Variants in GLIS3 observed in about 807,000 individuals in gnomAD.
GLIS3 encodes the protein GLIS family zinc finger 3, also known as zinc finger protein GLIS3.
Under a neutral mutation model 78.6 loss-of-function variants are expected in GLIS3, and 53 were observed. The ratio of observed to expected loss-of-function variants is 0.67; its 90% CI spans 0.54 to 0.85. The LOEUF (loss-of-function observed/expected upper bound fraction) is 0.85. Ranked by LOEUF, GLIS3 falls within the 40% of genes least tolerant of loss-of-function variation. The pLI is 0.00. For missense variants in GLIS3, 1,703 were observed against 1,231.1 expected, an observed-to-expected ratio of 1.38 and a Z score of -5.74; for synonymous variants, 684 against 509.9, an observed-to-expected ratio of 1.34 and a Z score of -4.60.
At chr9:4,197,672 G>A (rs567018340) in intron 2 of GLIS3, among the ~76,000 whole-genome samples, 1 of 152,178 alleles carries the variant, frequency 6.6e-6, no homozygotes, top group South Asian at 2.1e-4. Context: ...GCTGAGGAGG[G>A]AGCTCAGACC....
chr9:4,031,713 A>G (rs551815416), intron 4 of GLIS3, among the ~76,000 whole-genome samples: 2 of 152,336 alleles, frequency 1.3e-5, no homozygotes, highest in Non-Finnish European at 2.9e-5. Context: ...GACACTGCTC[A>G]TAGGTACCAA....
chr9:4,143,825 T>C (rs1442266708), intron 2 of GLIS3, among the ~76,000 whole-genome samples: 1 of 152,228 alleles, frequency 6.6e-6, no homozygotes, highest in South Asian at 2.1e-4. Flanking sequence ...CAGCCAGTAT[T>C]TGTCTTTCTG....
At chr9:4,180,760 C>T (rs1275106255) in intron 2 of GLIS3, among the ~76,000 whole-genome samples, 1 of 152,136 alleles carries the variant, frequency 6.6e-6, no homozygotes, top group Admixed American at 6.5e-5. Flanking sequence ...CAGTCACAAA[C>T]TAGAGGTAAG....
intron 1 of GLIS3, among the ~76,000 whole-genome samples, chr9:4,292,195 C>T (rs560652007): frequency 6.6e-6 from 1 of 152,100 alleles, no homozygotes; most frequent in African/African-American, 2.4e-5. Flanking sequence ...GATTGCAATT[C>T]ATTGGTGGTC....
At chr9:3,954,009 G>A (rs183431336) in intron 4 of GLIS3, among the ~76,000 whole-genome samples, 17 of 152,122 alleles carry the variant, frequency 1.1e-4, no homozygotes, top group African/African-American at 3.6e-4. Context: ...CTCACTTGGA[G>A]TAAATTAAAT....
At chr9:4,310,725 A>T (rs1327181496) in intron 2 of GLIS3, among the ~76,000 whole-genome samples, 1 of 152,136 alleles carries the variant, frequency 6.6e-6, no homozygotes, top group East Asian at 1.9e-4. Context: ...ATCACCCAGG[A>T]TTACCCGCTC....
upstream of GLIS3, among the ~76,000 whole-genome samples, chr9:4,301,666 C>T (rs563428909): frequency 2.8e-4 from 42 of 152,304 alleles, no homozygotes; most frequent in Non-Finnish European, 4.7e-4. Context: ...TCCAATGTCC[C>T]TCAAATATCA....
the GLIS3 span, among the ~76,000 whole-genome samples, chr9:4,461,045 A>C: frequency 1.3e-5 from 2 of 152,182 alleles, no homozygotes; most frequent in Non-Finnish European, 2.9e-5. Context: ...TGGGAGTTGG[A>C]GATGTTCTCT....
At chr9:4,148,528 C>T (rs1475625487) in intron 2 of GLIS3, among the ~76,000 whole-genome samples, 2 of 152,094 alleles carry the variant, frequency 1.3e-5, no homozygotes, top group African/African-American at 4.8e-5. Context: ...TGCTGTGGAT[C>T]AATTCTACCT....
chr9:4,137,175 T>C (rs1441275637), intron 2 of GLIS3, among the ~76,000 whole-genome samples: 1 of 152,180 alleles, frequency 6.6e-6, no homozygotes, highest in South Asian at 2.1e-4. Context: ...GCTAAAGATT[T>C]AGGCGATCAC....
intron 4 of GLIS3, among the ~76,000 whole-genome samples, chr9:4,095,536 G>A (rs1025458556): frequency 3.2e-4 from 48 of 152,294 alleles, no homozygotes; most frequent in African/African-American, 1.2e-3. Flanking sequence ...ATTACTGAAT[G>A]ATGGGTCAAG....
chr9:4,123,460 A>C (rs1023393010), intron 3 of GLIS3, among the ~76,000 whole-genome samples: 5 of 152,276 alleles, frequency 3.3e-5, no homozygotes, highest in African/African-American at 1.2e-4. Flanking sequence ...AGATGTACAG[A>C]GCTGATCCAA....
the GLIS3 span, among the ~76,000 whole-genome samples, chr9:4,408,092 C>G: frequency 3.9e-5 from 6 of 152,176 alleles, no homozygotes; most frequent in Admixed American, 3.9e-4. Context: ...GTTAAAATGG[C>G]TTTTATCCAA....
At chr9:4,441,882 G>A in the GLIS3 span, among the ~76,000 whole-genome samples, 1 of 152,280 alleles carries the variant, frequency 6.6e-6, no homozygotes, top group African/African-American at 2.4e-5. Context: ...TGGCATTACA[G>A]GCGTGAGCCA....
chr9:4,236,184 C>CAAAAAAAAAAAAA (rs59839951), intron 2 of GLIS3, among the ~76,000 whole-genome samples: 10 of 84,294 alleles, frequency 1.2e-4, no homozygotes, highest in African/African-American at 2.2e-4. Flanking sequence ...GTGGTTGTCA[C>CAAAAAAAAAAAAA]AAAAAAAAAA....
At chr9:4,227,014 G>A (rs1323390922) in intron 2 of GLIS3, among the ~76,000 whole-genome samples, 2 of 152,150 alleles carry the variant, frequency 1.3e-5, no homozygotes, top group Non-Finnish European at 2.9e-5. Flanking sequence ...ATCCTGGGAA[G>A]GAAAACAAGA....
At chr9:4,112,614 G>C (rs2130850667) in intron 4 of GLIS3, among the ~76,000 whole-genome samples, 2 of 152,242 alleles carry the variant, frequency 1.3e-5, no homozygotes, top group Middle Eastern at 6.8e-3. Context: ...AAGAACTACA[G>C]CCTCAGAAGT....
intron 4 of GLIS3, among the ~76,000 whole-genome samples, chr9:4,068,488 T>C (rs1827294188): frequency 1.3e-5 from 2 of 152,216 alleles, no homozygotes; most frequent in Non-Finnish European, 2.9e-5. Context: ...AGGCTAATGA[T>C]GTTTTTTAAA....
intron 1 of GLIS3, among the ~76,000 whole-genome samples, chr9:4,291,470 C>G (rs1055714187): frequency 1.3e-5 from 2 of 151,944 alleles, no homozygotes; most frequent in East Asian, 1.9e-4. Context: ...AAAATTTTCT[C>G]AAAAATTAAA....
Sources: gnomAD v4.1 joint callset for allele counts (sites outside exome capture counted in the v4.1 genomes callset) on GRCh38, gnomAD v4.1.1 for gene constraint, MANE v1.5 for transcripts, NCBI Gene and HGNC (gene_info 2026-07-23, HGNC 2026-07-21) for gene names.